Variants in SEC61A1 observed in about 807,000 individuals in gnomAD.
The protein encoded by SEC61A1 is protein transport protein Sec61 subunit alpha isoform 1.
A neutral mutation model predicts 55.2 loss-of-function variants in SEC61A1; 15 were observed. The ratio of observed to expected loss-of-function variants is 0.27; its 90% CI spans 0.18 to 0.42. The LOEUF (loss-of-function observed/expected upper bound fraction) is 0.42. Ranked by LOEUF, SEC61A1 falls within the 10% of genes least tolerant of loss-of-function variation. The probability of loss-of-function intolerance (pLI) is 1.00; values close to 1 mark genes in which losing one functional copy is unlikely to be tolerated. For missense variants in SEC61A1, 284 were observed against 602.6 expected (o/e 0.47, Z 5.53); for synonymous variants, 247 against 234.0 (o/e 1.06, Z -0.51).
chr3:128,055,399 A>T, intron 2 of SEC61A1, 117 bp from the exon 3 acceptor site: 1 of 821,906 alleles, frequency 1.2e-6, no homozygotes, highest in Non-Finnish European at 2.1e-6. Flanking sequence ...TCTGCTGAAC[A>T]GAGAAAAGAG....
chr3:128,069,675 G>T lies in SEC61A1; in HGVS notation c.*13G>T, dbSNP rs775748772. On this transcript the variant is annotated 3_prime_UTR_variant, in exon 12 of 12. Transcript: ENST00000243253. ...CCTGCTCTTCTGAGCCCGTCTCCCG[G>T]ACAGGTTGAGGAAGCTGCTCCAGAA... The T allele has an allele frequency of 2.0e-5, 32 of 1,613,194 alleles. No individual in the cohort carries two copies. Among genetic ancestry groups the T allele is most frequent in the Non-Finnish European group, 2.7e-5 (32 of 1,179,510 alleles).
chr3:128,056,174 A>C (rs1941767264), intron 4 of SEC61A1, among the ~76,000 whole-genome samples: 1 of 152,206 alleles, frequency 6.6e-6, no homozygotes, highest in Non-Finnish European at 1.5e-5. Flanking sequence ...TCCTCTAACC[A>C]GTTACTTATG....
intron 7 of SEC61A1, among the ~76,000 whole-genome samples, chr3:128,063,794 G>A (rs763850387): frequency 4.9e-4 from 75 of 152,130 alleles, no homozygotes; most frequent in Non-Finnish European, 9.6e-4. Context: ...GTCCTGGAAC[G>A]GCAGAGGTTA....
rs1942098848 is a variant in SEC61A1, at chr3:128,069,719, T to G, written c.*57T>G. On this transcript the variant is annotated 3_prime_UTR_variant, in exon 12 of 12. Coordinates refer to ENST00000243253, the MANE Select transcript of SEC61A1 (RefSeq NM_013336.4). ...TCCAGAAGCGCCTCGGAAGGGGAGC[T>G]CTCATCATGGCGCGTGCTGCTGCGG... is the stretch of plus-strand genomic sequence containing the variant. 3.4e-6 allele frequency: 5 copies of G among 1,491,760 alleles called. No homozygotes were observed. Among genetic ancestry groups the G allele is most frequent in the South Asian group, 1.1e-5 (1 of 87,360 alleles). The allele number at this position is 1,491,760 out of a possible 1,614,324, so 92.4% of individuals were successfully genotyped here. A position where few individuals can be genotyped will look rare whatever the true frequency, so the allele number is the denominator to read the frequency against.
chr3:128,058,201 A>ATTTTTTTTTTTTTTTT (rs57508280), intron 5 of SEC61A1, among the ~76,000 whole-genome samples: 1 of 79,358 alleles, frequency 1.3e-5, no homozygotes, highest in Non-Finnish European at 2.2e-5. Context: ...AAATACGTCT[A>ATTTTTTTTTTTTTTTT]TTTTTTTTTT....
chr3:128,058,956 C>G (rs907556032), intron 5 of SEC61A1, among the ~76,000 whole-genome samples: 2 of 152,188 alleles, frequency 1.3e-5, no homozygotes, highest in South Asian at 2.1e-4. Context: ...GCATTAAGAA[C>G]TAATTGTTGT....
intron 5 of SEC61A1, among the ~76,000 whole-genome samples, chr3:128,059,152 T>C (rs1290288057): frequency 6.6e-6 from 1 of 151,124 alleles, no homozygotes; most frequent in African/African-American, 2.4e-5. Flanking sequence ...TGAAATAGAG[T>C]GAGTTGTAAG....
At position 128,070,708 on chromosome 3, in the gene SEC61A1, T is replaced by C. The variant is rs1301161076; in HGVS notation, c.*1046T>C. 2.6e-5 allele frequency: 4 copies of C among 152,338 alleles called. No individual in the cohort carries two copies. Among genetic ancestry groups the C allele is most frequent in the African/African-American group, 7.2e-5 (3 of 41,426 alleles). The allele number at this position is 152,338 out of a possible 1,614,324, so 9.4% of individuals were successfully genotyped here. Reference sequence around the variant, plus strand: ...GAGAGAGGACAGCACAGGCTCAAGGTTGGTAGTGAAGTCAGGTTCGGGGTG... The same window carrying C: ...GAGAGAGGACAGCACAGGCTCAAGGCTGGTAGTGAAGTCAGGTTCGGGGTG... On this transcript the variant is annotated 3_prime_UTR_variant, in exon 12 of 12. Transcript: ENST00000243253.
At chr3:128,058,503 A>G (rs1032762456) in intron 5 of SEC61A1, among the ~76,000 whole-genome samples, 3 of 152,196 alleles carry the variant, frequency 2.0e-5, no homozygotes, top group African/African-American at 7.2e-5. Context: ...CGTGAGCCAC[A>G]GCGCCCAGCC....
chr3:128,051,916 C>T (rs1941678062), upstream of SEC61A1: 1 of 1,532,318 alleles, frequency 6.5e-7, no homozygotes, highest in East Asian at 2.4e-5. Context: ...GCTCGGTAAG[C>T]CCCACCAGCC....
intron 7 of SEC61A1, 129 bp downstream of exon 7, chr3:128,060,790 G>A: frequency 2.1e-6 from 2 of 964,302 alleles, no homozygotes; most frequent in Non-Finnish European, 3.0e-6. Context: ...CTCTTCTGGT[G>A]TTTGGGTCCA....
chr3:128,067,432 T>C lies in SEC61A1; in HGVS notation c.987T>C (p.Ser329=). The C allele has an allele frequency of 6.2e-7, 1 of 1,611,976 alleles. No individual in the cohort carries two copies. Among genetic ancestry groups the C allele is most frequent in the Non-Finnish European group, 8.5e-7 (1 of 1,179,402 alleles). ...TTCTTCTTCCCCAGGACACGTCTTC[T>C]GGGGGCCCAGCACGTGCTTATCCAG... ...SLLGTWSDTS[S]GGPARAYPVG... The change falls in exon 10 of 12, where the codon TCT becomes TCC. Residue 329 remains serine (S), a synonymous_variant. Transcript: ENST00000243253. The surrounding 1 kb of genome is among the most constrained non-coding windows in gnomAD (Gnocchi z 4.1).
At chr3:128,059,811 G>C (rs1185802227) in intron 5 of SEC61A1, among the ~76,000 whole-genome samples, 1 of 152,102 alleles carries the variant, frequency 6.6e-6, no homozygotes, top group Non-Finnish European at 1.5e-5. Context: ...TCTTTGAATA[G>C]AACAAATTTT....
At chr3:128,052,945 GTCTGGAC>G in intron 2 of SEC61A1, 43 bp downstream of exon 2, 1 of 1,485,024 alleles carries the variant, frequency 6.7e-7, no homozygotes, top group Non-Finnish European at 9.3e-7. Context: ...TCAGGAAACT[GTCTGGAC>G]TCTGGAAGTT....
rs544969592 is a variant in SEC61A1, at chr3:128,069,777, G to A, written c.*115G>A. On this transcript the variant is annotated 3_prime_UTR_variant, in exon 12 of 12. Coordinates refer to ENST00000243253, the MANE Select transcript of SEC61A1 (RefSeq NM_013336.4). ...ACTTTTAATAATGTTTTTGAATTTCGTATTCTTTCATTCCACTGTGTAAAG... is the reference window on the plus strand; with the variant it reads ...ACTTTTAATAATGTTTTTGAATTTCATATTCTTTCATTCCACTGTGTAAAG... 5.3e-6 allele frequency: 5 copies of A among 948,846 alleles called. No individual in the cohort carries two copies. The highest frequency in any genetic ancestry group is 3.2e-5 in the South Asian group (2 of 61,806). The allele number at this position is 948,846 out of a possible 1,614,324, so 58.8% of individuals were successfully genotyped here.
chr3:128,065,964 G>A (rs1407554348), intron 8 of SEC61A1, among the ~76,000 whole-genome samples: 2 of 151,680 alleles, frequency 1.3e-5, no homozygotes, highest in Non-Finnish European at 2.9e-5. Context: ...GGATGGTCTC[G>A]ATCTCCTGAC....
Position 128,067,108 on chromosome 3 carries a change from G to A in SEC61A1, c.932G>A (p.Arg311His), listed in dbSNP as rs140316421. The change falls in exon 9 of 12, where the codon CGC becomes CAC. Residue 311 changes from arginine to histidine, a missense_variant. By Grantham distance (29) the Arg-to-His change is conservative. Transcript: ENST00000243253. The surrounding 1 kb of genome is among the most constrained non-coding windows in gnomAD (Gnocchi z 4.1). ...GTCATCTCCCAAATGCTCTCAGCTC[G>A]CTTCAGTGGCAACTTGCTGGTCAGC... ...LYVISQMLSA[R>H]FSGNLLVSLL... The A allele has an allele frequency of 6.2e-7, 1 of 1,614,168 alleles. No individual in the cohort carries two copies. Among genetic ancestry groups the A allele is most frequent in the Non-Finnish European group, 8.5e-7 (1 of 1,180,044 alleles).
chr3:128,061,393 T>A (rs546778453), intron 7 of SEC61A1, among the ~76,000 whole-genome samples: 4 of 152,224 alleles, frequency 2.6e-5, no homozygotes, highest in African/African-American at 7.2e-5. Context: ...CCTTAGAGAG[T>A]GTGACTTATT....
At chr3:128,063,273 T>A (rs549265225) in intron 7 of SEC61A1, among the ~76,000 whole-genome samples, 2 of 152,352 alleles carry the variant, frequency 1.3e-5, no homozygotes, top group South Asian at 4.1e-4. Flanking sequence ...GTTTCAGCTT[T>A]CCTATTTAAT....
Sources: allele counts gnomAD v4.1 joint callset (sites outside exome capture counted in the v4.1 genomes callset), GRCh38; gene constraint gnomAD v4.1.1; non-coding constraint Gnocchi (gnomAD v3.1); transcripts MANE v1.5; gene names NCBI Gene and HGNC (gene_info 2026-07-23, HGNC 2026-07-21).